AFF2: variants seen among roughly 807,000 people sequenced by gnomAD.
The protein encoded by AFF2 is ALF transcription elongation factor 2.
Under a neutral mutation model 76.9 loss-of-function variants are expected in AFF2, and 14 were observed. The ratio of observed to expected loss-of-function variants is 0.18; its 90% CI spans 0.12 to 0.28. The LOEUF is 0.28. Among genes scored for constraint, AFF2 ranks in the 10% least tolerant of loss-of-function variants. The pLI is 1.00. For synonymous variants in AFF2, 398 were observed against 366.7 expected, an observed-to-expected ratio of 1.09 and a Z score of -0.98; for missense variants, 868 against 1,001.1, an observed-to-expected ratio of 0.87 and a Z score of 1.79.
intron 1 of AFF2, among the ~76,000 whole-genome samples, chrX:148,601,280 C>T (rs184813414): frequency 8.9e-6 from 1 of 112,309 alleles, no homozygotes; most frequent in East Asian, 2.8e-4. Flanking sequence ...ACTAGAGGTA[C>T]TGTTTAGCAA....
chrX:148,781,009 T>C (rs2069736389), intron 3 of AFF2, among the ~76,000 whole-genome samples: 1 of 112,145 alleles, frequency 8.9e-6, no homozygotes, highest in African/African-American at 3.2e-5. Context: ...AGGCCCCTCT[T>C]CTGAAGATCT....
At chrX:148,691,653 G>A (rs1249109583) in intron 3 of AFF2, among the ~76,000 whole-genome samples, 1 of 111,751 alleles carries the variant, frequency 8.9e-6, no homozygotes, top group Non-Finnish European at 1.9e-5. Context: ...AAAGTCTAGG[G>A]AATGTGGTGG....
At chrX:148,514,461 C>T (rs937605518) in intron 1 of AFF2, among the ~76,000 whole-genome samples, 13 of 112,456 alleles carry the variant, frequency 1.2e-4, no homozygotes, top group African/African-American at 3.9e-4. Context: ...TCTTAGCACC[C>T]GGATTTCCTG....
At chrX:148,910,812 T>A (rs1417510669) in intron 9 of AFF2, among the ~76,000 whole-genome samples, 2 of 111,543 alleles carry the variant, frequency 1.8e-5, no homozygotes, top group African/African-American at 6.5e-5. Flanking sequence ...CTTCACTTGG[T>A]ACTGAATGTG....
Position 148,996,808 on chromosome X carries a change from G to A in AFF2, c.*5476G>A, listed in dbSNP as rs1392075141. The A allele has an allele frequency of 1.8e-5, 2 of 111,761 alleles. No individual in the cohort carries two copies. The highest frequency in any genetic ancestry group is 3.8e-4 in the South Asian group (1 of 2,629). 9.2% of individuals were successfully genotyped at this position (111,761 alleles called of 1,213,427 possible). A position where few individuals can be genotyped will look rare whatever the true frequency, so the allele number is the denominator to read the frequency against. On this transcript the variant is annotated 3_prime_UTR_variant, in exon 21 of 21. Coordinates refer to ENST00000370460, the MANE Select transcript of AFF2 (RefSeq NM_002025.4). ...TCCTTCCATATCTCACAGGTAAAAT[G>A]GGCACTCAGAAAACCCTCACGATTG...
chrX:148,701,846 T>C (rs2054803662), intron 3 of AFF2, among the ~76,000 whole-genome samples: 1 of 112,173 alleles, frequency 8.9e-6, no homozygotes, highest in South Asian at 3.7e-4. Flanking sequence ...ATGAAATTTA[T>C]CATCTGTCTC....
At chrX:148,622,772 A>G (rs1246636305) in intron 1 of AFF2, among the ~76,000 whole-genome samples, 1 of 111,783 alleles carries the variant, frequency 8.9e-6, no homozygotes, top group East Asian at 2.8e-4. Flanking sequence ...GTCCCAGGCC[A>G]ACCTGTGCCA....
rs188102886 is a variant in AFF2, at chrX:148,877,932, G to A, written c.1263-7957G>A. On this transcript the variant is annotated intron_variant, in intron 7 of 20. Transcript: ENST00000370460. ...AATCATTTGACAATTAGGAGCTGAC[G>A]TGAAGAGATGAGTAATGAAGTACCC... is the stretch of plus-strand genomic sequence containing the variant. Among the ~76,000 whole-genome samples the A allele has an allele frequency of 1.1e-4, 12 of 112,153 alleles. No individual in the cohort carries two copies. The East Asian group carries it at 2.8e-3, about 26-fold the overall frequency.
At chrX:148,709,084 T>C (rs1243025089) in intron 3 of AFF2, among the ~76,000 whole-genome samples, 3 of 111,993 alleles carry the variant, frequency 2.7e-5, no homozygotes, top group Non-Finnish European at 3.8e-5. Context: ...TATAATTTTA[T>C]GGCTTTTTCA....
chrX:148,775,678 C>T (rs192406274), intron 3 of AFF2, among the ~76,000 whole-genome samples: 208 of 111,211 alleles, frequency 1.9e-3, no homozygotes, highest in Non-Finnish European at 3.1e-3. Flanking sequence ...CTTGTGGCCT[C>T]ATTGCTCCAA....
chrX:148,546,183 T>C (rs1157064496), intron 1 of AFF2, among the ~76,000 whole-genome samples: 8 of 111,847 alleles, frequency 7.2e-5, no homozygotes, highest in African/African-American at 2.6e-4. Context: ...GCTGAATCTT[T>C]TTCTTCCCTA....
intron 3 of AFF2, among the ~76,000 whole-genome samples, chrX:148,752,676 G>T (rs1005835503): frequency 2.7e-5 from 3 of 111,708 alleles, no homozygotes; most frequent in Non-Finnish European, 1.9e-5. Flanking sequence ...TTTAACCTTT[G>T]TGGCAGCAGA....
intron 9 of AFF2, among the ~76,000 whole-genome samples, chrX:148,910,708 A>C (rs1056060318): frequency 5.4e-5 from 6 of 112,107 alleles, no homozygotes; most frequent in Admixed American, 9.4e-5. Context: ...CCAGGTTGGA[A>C]ACCAAGGCTG....
At chrX:148,782,565 G>A (rs1557269172) in intron 3 of AFF2, among the ~76,000 whole-genome samples, 1 of 111,967 alleles carries the variant, frequency 8.9e-6, no homozygotes, top group Non-Finnish European at 1.9e-5. Flanking sequence ...TAAGGATTTT[G>A]CTTGGTATAT....
chrX:148,520,593 T>C (rs978816862), intron 1 of AFF2, among the ~76,000 whole-genome samples: 23 of 112,191 alleles, frequency 2.1e-4, no homozygotes, highest in African/African-American at 6.8e-4. Flanking sequence ...AATTTCCAAA[T>C]AGATTTAAAC....
At chrX:148,648,646 T>C (rs782122460) in intron 1 of AFF2, among the ~76,000 whole-genome samples, 1 of 107,077 alleles carries the variant, frequency 9.3e-6, no homozygotes, top group South Asian at 4.1e-4. Context: ...TACACCAAGG[T>C]GATTAACAAA....
intron 1 of AFF2, among the ~76,000 whole-genome samples, chrX:148,550,496 TA>T (rs1557238745): frequency 9.0e-6 from 1 of 111,466 alleles, no homozygotes. Context: ...ATATAGCAAG[TA>T]AAAAAAGACA....
At chrX:148,542,512 A>G (rs1557237647) in intron 1 of AFF2, among the ~76,000 whole-genome samples, 1 of 111,665 alleles carries the variant, frequency 9.0e-6, no homozygotes, top group African/African-American at 3.3e-5. Flanking sequence ...TGCAAGGTCC[A>G]AATGGGTAAA....
intron 3 of AFF2, among the ~76,000 whole-genome samples, chrX:148,702,786 G>A (rs1250408057): frequency 8.9e-6 from 1 of 112,238 alleles, no homozygotes; most frequent in African/African-American, 3.2e-5. Context: ...CAATTGTACT[G>A]GAAAGGGCAG....
Sources: gnomAD v4.1 joint callset for allele counts (sites outside exome capture counted in the v4.1 genomes callset) on GRCh38, gnomAD v4.1.1 for gene constraint, MANE v1.5 for transcripts, NCBI Gene and HGNC (gene_info 2026-07-23, HGNC 2026-07-21) for gene names.